Variants in PCDHA12 observed in about 807,000 individuals in gnomAD.
PCDHA12 encodes protocadherin alpha-12.
Under a neutral mutation model 60.0 loss-of-function variants are expected in PCDHA12, and 44 were observed. The ratio of observed to expected loss-of-function variants is 0.73; its 90% CI spans 0.58 to 0.94. The LOEUF (loss-of-function observed/expected upper bound fraction) is 0.94. Ranked by LOEUF, PCDHA12 falls within the 40% of genes least tolerant of loss-of-function variation. The probability of loss-of-function intolerance (pLI) is 0.00; values close to 1 mark genes in which losing one functional copy is unlikely to be tolerated. For missense variants in PCDHA12, 1,276 were observed against 1,239.7 expected (o/e 1.03, Z -0.44); for synonymous variants, 569 against 553.0 (o/e 1.03, Z -0.40).
At chr5:140,884,812 G>C in intron 1 of PCDHA12, 2 of 1,117,104 alleles carry the variant, frequency 1.8e-6, no homozygotes, top group Non-Finnish European at 2.5e-6. Flanking sequence ...ACTCTGCTGT[G>C]GACATTATGT....
intron 1 of PCDHA12, among the ~76,000 whole-genome samples, chr5:140,965,602 A>G (rs1319736678): frequency 6.6e-6 from 1 of 152,126 alleles, no homozygotes; most frequent in African/African-American, 2.4e-5. Context: ...AGACTCTTGA[A>G]GACATTGTCA....
chr5:141,009,563 C>T (rs1588242901), intron 3 of PCDHA12, 64 bp from the exon 4 acceptor site: 2 of 1,571,920 alleles, frequency 1.3e-6, no homozygotes, highest in Non-Finnish European at 1.7e-6. Flanking sequence ...TGTACTCTAC[C>T]AGCAGTGTGG....
chr5:140,937,838 G>A (rs757526914), intron 1 of PCDHA12, among the ~76,000 whole-genome samples: 3 of 150,986 alleles, frequency 2.0e-5, no homozygotes, highest in Non-Finnish European at 2.9e-5. Context: ...CATGAACCTG[G>A]AAGGCGGAAC....
At chr5:140,965,861 T>C (rs971753310) in intron 1 of PCDHA12, among the ~76,000 whole-genome samples, 3 of 152,192 alleles carry the variant, frequency 2.0e-5, no homozygotes, top group African/African-American at 7.2e-5. Flanking sequence ...ACACTGAAAA[T>C]AAGGGCCACT....
chr5:140,877,325 C>G lies in PCDHA12; in HGVS notation c.1853C>G (p.Ala618Gly). 1.2e-6 allele frequency: 2 copies of G among 1,613,974 alleles called. No individual in the cohort carries two copies. Among genetic ancestry groups the G allele is most frequent in the Non-Finnish European group, 1.7e-6 (2 of 1,179,864 alleles). ...SYELQPAAVG[A>G]HIPFHVGLYT... The stretch of plus-strand genomic sequence containing the variant: ...GAGTTGCAACCGGCGGCGGTCGGCG[C>G]GCACATCCCGTTCCACGTGGGGCTG... Residue 618 changes from alanine to glycine, a missense_variant, in exon 1 of 4, where the codon GCG becomes GGG. Transcript: ENST00000398631.
intron 3 of PCDHA12, 162 bp downstream of exon 3, chr5:140,982,725 A>G (rs2096999365): frequency 1.1e-6 from 1 of 902,882 alleles, no homozygotes; most frequent in African/African-American, 1.8e-5. Flanking sequence ...GATTATTTTG[A>G]TTTTATACCT....
At chr5:140,922,139 C>A (rs2080663133) in intron 1 of PCDHA12, among the ~76,000 whole-genome samples, 1 of 151,854 alleles carries the variant, frequency 6.6e-6, no homozygotes, top group Non-Finnish European at 1.5e-5. Flanking sequence ...TCTTATCCTC[C>A]ATGAAACTCA....
Position 140,967,283 on chromosome 5 carries a change from C to G in PCDHA12, c.2368-11666C>G, listed in dbSNP as rs782468433. The G allele has an allele frequency of 1.7e-5, 27 of 1,613,040 alleles. No homozygotes were observed. The Admixed American group carries it at 3.7e-4, about 22-fold the overall frequency. ...AGCGCGCTTTCACATAGAGAGTGCG[C>G]AGGACCCCGACGTGGGCGCCAACTC... On this transcript the variant is annotated intron_variant, in intron 1 of 3. Transcript: ENST00000398631.
Position 141,010,029 on chromosome 5 carries a change from A to G in PCDHA12, c.*92A>G, listed in dbSNP as rs2098415771. 1.1e-5 allele frequency: 17 copies of G among 1,580,452 alleles called. No individual in the cohort carries two copies. In the Admixed American group the frequency reaches 3.1e-4, roughly 29 times the overall value. On this transcript the variant is annotated 3_prime_UTR_variant, in exon 4 of 4. Coordinates refer to ENST00000398631, the MANE Select transcript of PCDHA12 (RefSeq NM_018903.4). ...AATTCCCTGCTCCTTTTTCCTATCT[A>G]CATGAGCCCTCTTAGAGACCTCAGA...
At chr5:140,927,195 C>T in intron 1 of PCDHA12, 1 of 1,614,118 alleles carries the variant, frequency 6.2e-7, no homozygotes, top group Non-Finnish European at 8.5e-7. Flanking sequence ...ACCTGGTGCT[C>T]GAGGACCCGC....
At chr5:140,940,055 C>G (rs1179353318) in intron 1 of PCDHA12, among the ~76,000 whole-genome samples, 1 of 152,064 alleles carries the variant, frequency 6.6e-6, no homozygotes, top group Non-Finnish European at 1.5e-5. Context: ...GATTCTTAAC[C>G]AAATATAAAT....
At chr5:140,990,862 AT>A (rs2097420167) in intron 3 of PCDHA12, among the ~76,000 whole-genome samples, 1 of 152,198 alleles carries the variant, frequency 6.6e-6, no homozygotes, top group Non-Finnish European at 1.5e-5. Flanking sequence ...AGGACATTGT[AT>A]TTTAAGTGTA....
In PCDHA12 at chr5:140,919,389, T is replaced by C. The variant is rs1042186256; in HGVS notation, c.2367+41550T>C. 3.9e-5 allele frequency among the ~76,000 whole-genome samples: 6 copies of C among 152,360 alleles called. No homozygotes were observed. The East Asian group carries it at 1.2e-3, about 29-fold the overall frequency. ...CTGCAGACAACACATAGTTGGATGTTGTTTTCCTAAAAACTCTAGACTGAC... is the reference window on the plus strand; with the variant it reads ...CTGCAGACAACACATAGTTGGATGTCGTTTTCCTAAAAACTCTAGACTGAC... On this transcript the variant is annotated intron_variant, in intron 1 of 3. Coordinates refer to ENST00000398631, the MANE Select transcript of PCDHA12 (RefSeq NM_018903.4).
chr5:141,009,946 A>G lies in PCDHA12; in HGVS notation c.*9A>G, dbSNP rs781855183. On this transcript the variant is annotated 3_prime_UTR_variant, in exon 4 of 4. Transcript: ENST00000398631. ...ACAACAGTGACCAGTGAGGTCCTCA[A>G]ATGGAAACAAGCCACTTAGCCAGTT... 8.8e-6 allele frequency: 14 copies of G among 1,596,354 alleles called. No homozygotes were observed. The highest frequency in any genetic ancestry group is 1.7e-4 in the Middle Eastern group (1 of 5,948).
intron 3 of PCDHA12, among the ~76,000 whole-genome samples, chr5:141,005,561 G>T (rs1554260149): frequency 6.6e-6 from 1 of 151,354 alleles, no homozygotes. Flanking sequence ...AATTAGCCGG[G>T]CATGGTGGCG....
intron 3 of PCDHA12, among the ~76,000 whole-genome samples, chr5:140,987,383 G>A (rs2097252098): frequency 6.6e-6 from 1 of 152,138 alleles, no homozygotes; most frequent in Admixed American, 6.5e-5. Flanking sequence ...GGGTCAGAAT[G>A]CATGCAAGGA....
chr5:141,011,247 G>A lies in PCDHA12; in HGVS notation c.*1310G>A, dbSNP rs1554263390. On this transcript the variant is annotated 3_prime_UTR_variant, in exon 4 of 4. Transcript: ENST00000398631. The stretch of plus-strand genomic sequence containing the variant: ...TCTACTAATTCTGTGACTTGTCTTG[G>A]TGTGCTAGCCTACACCTTCTCTTTG... The A allele has an allele frequency of 2.0e-5, 3 of 153,772 alleles. No individual in the cohort carries two copies. The highest frequency in any genetic ancestry group is 7.2e-5 in the African/African-American group (3 of 41,538). The allele number at this position is 153,772 out of a possible 1,614,324, so 9.5% of individuals were successfully genotyped here.
At chr5:140,880,630 C>T (rs2058401400) in intron 1 of PCDHA12, among the ~76,000 whole-genome samples, 2 of 152,122 alleles carry the variant, frequency 1.3e-5, no homozygotes, top group Admixed American at 1.3e-4. Context: ...AGTTAATTAT[C>T]AATTCACTTG....
chr5:140,937,790 T>G (rs2091754196), intron 1 of PCDHA12, among the ~76,000 whole-genome samples: 1 of 151,512 alleles, frequency 6.6e-6, no homozygotes, highest in Non-Finnish European at 1.5e-5. Flanking sequence ...CGGGCGTATG[T>G]AGTCCCAGCT....
Sources: gnomAD v4.1 joint callset for allele counts (sites outside exome capture counted in the v4.1 genomes callset) on GRCh38, gnomAD v4.1.1 for gene constraint, MANE v1.5 for transcripts, NCBI Gene and HGNC (gene_info 2026-07-23, HGNC 2026-07-21) for gene names.